Variants in PGM5 observed in about 807,000 individuals in gnomAD.
PGM5 encodes the protein phosphoglucomutase 5.
In PGM5, 23 loss-of-function variants were observed where a neutral mutation model predicts 59.2. That is an observed-to-expected ratio of 0.39 (90% CI 0.28 to 0.55). The LOEUF (loss-of-function observed/expected upper bound fraction) is 0.55. PGM5 is among the 20% of genes least tolerant of loss of function. The pLI, the probability that PGM5 is intolerant of heterozygous loss-of-function variation, is 0.66. For synonymous variants in PGM5, 214 were observed against 286.0 expected (o/e 0.75, Z 2.54); for missense variants, 574 against 748.3 (o/e 0.77, Z 2.72).
At chr9:68,397,836 T>C (rs1347057145) in intron 6 of PGM5, 1 of 152,206 alleles carries the variant, frequency 6.6e-6, no homozygotes, top group Non-Finnish European at 1.5e-5. Flanking sequence ...TATCTGGACC[T>C]GACTGTGATG....
intron 7 of PGM5, among the ~76,000 whole-genome samples, chr9:68,473,654 A>G (rs1299251508): frequency 1.3e-5 from 2 of 152,214 alleles, no homozygotes; most frequent in African/African-American, 4.8e-5. Context: ...TTGTGCTTCA[A>G]AAATAATCAG....
chr9:68,496,711 G>A (rs1418984491), intron 9 of PGM5: 6 of 152,158 alleles, frequency 3.9e-5, no homozygotes, highest in African/African-American at 1.4e-4. Context: ...ATTTTTAAAA[G>A]GCTTAGTTAT....
chr9:68,411,093 C>T (rs1164685128), intron 6 of PGM5, among the ~76,000 whole-genome samples: 3 of 152,138 alleles, frequency 2.0e-5, no homozygotes, highest in Non-Finnish European at 4.4e-5. Context: ...TTCCAGAAGT[C>T]CTCCTGTGCC....
intron 6 of PGM5, among the ~76,000 whole-genome samples, chr9:68,457,337 A>G (rs1240111638): frequency 1.3e-5 from 2 of 152,210 alleles, no homozygotes; most frequent in Admixed American, 1.3e-4. Flanking sequence ...GCTGAAACAG[A>G]ATCCAATATG....
chr9:68,433,763 A>G (rs1823394874), intron 6 of PGM5, among the ~76,000 whole-genome samples: 1 of 152,256 alleles, frequency 6.6e-6, no homozygotes, highest in Non-Finnish European at 1.5e-5. Context: ...CTTTAAGGCC[A>G]TGTTTTGTTC....
intron 7 of PGM5, among the ~76,000 whole-genome samples, chr9:68,470,583 A>G (rs1319262762): frequency 6.6e-6 from 1 of 152,260 alleles, no homozygotes; most frequent in African/African-American, 2.4e-5. Context: ...AAAATATAGG[A>G]AAACTTTAGT....
chr9:68,367,232 G>A (rs1204797435), intron 1 of PGM5, among the ~76,000 whole-genome samples: 2 of 151,828 alleles, frequency 1.3e-5, no homozygotes, highest in Non-Finnish European at 2.9e-5. Context: ...TGTTAAGCGT[G>A]AGCTGAGTCA....
Position 68,530,012 on chromosome 9 carries a change from A to C in PGM5, c.*356A>C. 1 of 194,528 alleles carries C rather than the reference A, an allele frequency of 5.1e-6. No individual in the cohort carries two copies. Among genetic ancestry groups the C allele is most frequent in the Non-Finnish European group, 1.0e-5 (1 of 95,794 alleles). 12.1% of individuals were successfully genotyped at this position (194,528 alleles called of 1,614,324 possible). On this transcript the variant is annotated 3_prime_UTR_variant, in exon 11 of 11. Transcript: ENST00000396396. ...AAGTGAGAAAATGTTCTAAAATCACAAGAGAGAACAGTGCCAGAATGAAAC... is the reference window on the plus strand; with the variant it reads ...AAGTGAGAAAATGTTCTAAAATCACCAGAGAGAACAGTGCCAGAATGAAAC...
intron 6 of PGM5, chr9:68,402,395 A>AGG (rs1439784455): frequency 6.6e-6 from 1 of 152,248 alleles, no homozygotes; most frequent in Non-Finnish European, 1.5e-5. Flanking sequence ...TTTTCTGACT[A>AGG]GGGGCAAGAA....
chr9:68,469,446 A>G lies in PGM5; in HGVS notation c.1159+4238A>G, dbSNP rs116696506. On this transcript the variant is annotated intron_variant, in intron 7 of 10. Coordinates refer to ENST00000396396, the MANE Select transcript of PGM5 (RefSeq NM_021965.4). The stretch of plus-strand genomic sequence containing the variant: ...TGGAATTGAATCCAGAGCTGCTGGC[A>G]TTAGCATGAGTTGTCCATACTTGTC... Among the ~76,000 whole-genome samples the G allele has an allele frequency of 2.1e-3, 322 of 152,320 alleles. 2 individuals are homozygous for G. Among genetic ancestry groups the G allele is most frequent in the African/African-American group, 7.4e-3 (309 of 41,556 alleles).
intron 10 of PGM5, among the ~76,000 whole-genome samples, chr9:68,511,350 T>C (rs1824746011): frequency 5.3e-5 from 8 of 152,216 alleles, no homozygotes; most frequent in Admixed American, 5.2e-4. Context: ...GAGGAGGATA[T>C]ATTGAGGCAT....
At chr9:68,501,831 G>T (rs1258571458) in intron 10 of PGM5, among the ~76,000 whole-genome samples, 1 of 152,210 alleles carries the variant, frequency 6.6e-6, no homozygotes, top group Non-Finnish European at 1.5e-5. Context: ...GCCATGGATA[G>T]TTTCTTTTCC....
chr9:68,367,919 T>C (rs1554676831), intron 1 of PGM5, among the ~76,000 whole-genome samples: 2 of 151,692 alleles, frequency 1.3e-5, no homozygotes, highest in African/African-American at 4.8e-5. Context: ...TAAATGTATA[T>C]GTATATTCAC....
chr9:68,373,440 C>A (rs1396074927), intron 1 of PGM5, among the ~76,000 whole-genome samples: 1 of 152,088 alleles, frequency 6.6e-6, no homozygotes, highest in Non-Finnish European at 1.5e-5. Flanking sequence ...CTCACTTTAA[C>A]CTTCTTAAAC....
At chr9:68,358,542 G>C (rs1483495028) in intron 1 of PGM5, among the ~76,000 whole-genome samples, 1 of 152,188 alleles carries the variant, frequency 6.6e-6, no homozygotes, top group Non-Finnish European at 1.5e-5. Flanking sequence ...TTTCTTTAAG[G>C]AAAGTGTCTT....
chr9:68,445,454 C>A (rs1823596836), intron 6 of PGM5, among the ~76,000 whole-genome samples: 1 of 152,130 alleles, frequency 6.6e-6, no homozygotes. Flanking sequence ...CTGGACATAC[C>A]CTTTGAAAGC....
chr9:68,458,572 C>T (rs1587816814), intron 6 of PGM5, among the ~76,000 whole-genome samples: 2 of 152,110 alleles, frequency 1.3e-5, no homozygotes, highest in African/African-American at 4.8e-5. Context: ...GGCCATTTTG[C>T]AAAATTATAT....
At chr9:68,485,928 G>A (rs1824287262) in intron 9 of PGM5, among the ~76,000 whole-genome samples, 1 of 152,324 alleles carries the variant, frequency 6.6e-6, no homozygotes, top group South Asian at 2.1e-4. Context: ...TTGTTGGCAA[G>A]TTACAGATGG....
chr9:68,518,509 T>C (rs906190028), intron 10 of PGM5, among the ~76,000 whole-genome samples: 1 of 152,196 alleles, frequency 6.6e-6, no homozygotes, highest in African/African-American at 2.4e-5. Context: ...ACTATGTTCA[T>C]GGAAATAAAG....
Sources: gnomAD v4.1 joint callset for allele counts (sites outside exome capture counted in the v4.1 genomes callset) on GRCh38, gnomAD v4.1.1 for gene constraint, MANE v1.5 for transcripts, NCBI Gene and HGNC (gene_info 2026-07-23, HGNC 2026-07-21) for gene names.